Variants in RIMS1 observed in about 807,000 individuals in gnomAD.
The protein encoded by RIMS1 is regulating synaptic membrane exocytosis protein 1.
In RIMS1, 83 loss-of-function variants were observed where a neutral mutation model predicts 214.1. That is an observed-to-expected ratio of 0.39 (90% CI 0.32 to 0.47). RIMS1 has a LOEUF of 0.47. Ranked by LOEUF, RIMS1 falls within the 20% of genes least tolerant of loss-of-function variation. The pLI is 0.99. For synonymous variants in RIMS1, 793 were observed against 786.8 expected (o/e 1.01, Z -0.13); for missense variants, 2,050 against 2,161.8 (o/e 0.95, Z 1.03).
At chr6:72,374,331 G>A (rs1052161520) in intron 29 of RIMS1, among the ~76,000 whole-genome samples, 2 of 152,226 alleles carry the variant, frequency 1.3e-5, no homozygotes, top group East Asian at 3.9e-4. Context: ...TTGTTATTTA[G>A]TACCTATTCT....
At chr6:72,020,988 C>T (rs949368799) in intron 2 of RIMS1, among the ~76,000 whole-genome samples, 7 of 152,030 alleles carry the variant, frequency 4.6e-5, no homozygotes, top group Non-Finnish European at 1.0e-4. Context: ...ATTTTAATTC[C>T]AAGATATTCC....
intron 4 of RIMS1, among the ~76,000 whole-genome samples, chr6:72,132,472 A>G (rs1215595676): frequency 6.6e-6 from 1 of 152,132 alleles, no homozygotes; most frequent in Non-Finnish European, 1.5e-5. Flanking sequence ...TTGGACTAAT[A>G]TTTATTGGGT....
chr6:72,386,725 GTCTT>G (rs1224367155), intron 29 of RIMS1, among the ~76,000 whole-genome samples: 23 of 144,498 alleles, frequency 1.6e-4, no homozygotes, highest in East Asian at 4.0e-4. Context: ...TCGTTTCACT[GTCTT>G]TCTTTTTTTT....
At chr6:72,332,444 C>T (rs1295709415) in intron 28 of RIMS1, among the ~76,000 whole-genome samples, 1 of 144,490 alleles carries the variant, frequency 6.9e-6, no homozygotes, top group Admixed American at 7.3e-5. Context: ...GACAAAAAAC[C>T]AAACACCACA....
intron 1 of RIMS1, among the ~76,000 whole-genome samples, chr6:71,932,951 C>T (rs1320155680): frequency 2.0e-5 from 3 of 152,150 alleles, no homozygotes; most frequent in Non-Finnish European, 4.4e-5. Context: ...TTACTGAGCA[C>T]ATACTTTTAT....
intron 6 of RIMS1, chr6:72,213,331 T>C: frequency 9.9e-7 from 1 of 1,008,896 alleles, no homozygotes; most frequent in Non-Finnish European, 1.4e-6. Context: ...TTCTATTCTC[T>C]GTGTGTCAGG....
At position 72,258,130 on chromosome 6, in the gene RIMS1, T is replaced by C; in HGVS notation, c.2776T>C (p.Tyr926His). ...DGIGVVPPVG[Y>H]RSSARESKST... ...TCTGTGTGTACTTTTGCCAGTAGGCTATAGGTCTAGTGCTAGAGAAAGTAA... is the reference window on the plus strand; with the variant it reads ...TCTGTGTGTACTTTTGCCAGTAGGCCATAGGTCTAGTGCTAGAGAAAGTAA... Residue 926 changes from tyrosine (Y) to histidine (H), a missense_variant, in exon 17 of 34, where the codon TAT becomes CAT. Coordinates refer to ENST00000521978, the MANE Select transcript of RIMS1 (RefSeq NM_014989.7). The C allele has an allele frequency of 6.2e-7, 1 of 1,612,362 alleles. No individual in the cohort carries two copies. The highest frequency in any genetic ancestry group is 1.1e-5 in the South Asian group (1 of 90,862).
intron 1 of RIMS1, among the ~76,000 whole-genome samples, chr6:71,945,155 G>A (rs545180156): frequency 2.6e-5 from 4 of 152,276 alleles, no homozygotes; most frequent in Non-Finnish European, 4.4e-5. Flanking sequence ...CAGCACTTAC[G>A]ACAAGCAGCA....
intron 4 of RIMS1, among the ~76,000 whole-genome samples, chr6:72,150,689 G>A (rs2043424679): frequency 6.6e-6 from 1 of 152,134 alleles, no homozygotes; most frequent in Non-Finnish European, 1.5e-5. Flanking sequence ...AAATGAATAT[G>A]CAATAGTAAT....
In RIMS1 at chr6:72,313,614, C is replaced by A; in HGVS notation, c.4072C>A (p.Arg1358Ser). The A allele has an allele frequency of 1.9e-6, 3 of 1,613,632 alleles. No individual in the cohort carries two copies. Among genetic ancestry groups the A allele is most frequent in the Non-Finnish European group, 2.5e-6 (3 of 1,179,710 alleles). Residue 1358 changes from arginine to serine, a missense_variant, in exon 28 of 34, where the codon CGC becomes AGC. Transcript: ENST00000521978. ...CATTTCCCGAACCAGCAGTGCCTCACGCCTCAGCAGCACAAGCTTTATGTC... is the reference window on the plus strand; with the variant it reads ...CATTTCCCGAACCAGCAGTGCCTCAAGCCTCAGCAGCACAAGCTTTATGTC... ...SAISRTSSAS[R>S]LSSTSFMSEQ...
chr6:72,122,913 C>T (rs1012842907), intron 4 of RIMS1, among the ~76,000 whole-genome samples: 3 of 151,536 alleles, frequency 2.0e-5, no homozygotes, highest in Non-Finnish European at 3.0e-5. Flanking sequence ...TTGATCTTTT[C>T]GAAAAACCAG....
At chr6:71,968,394 G>T (rs1194999032) in intron 1 of RIMS1, among the ~76,000 whole-genome samples, 1 of 151,708 alleles carries the variant, frequency 6.6e-6, no homozygotes, top group South Asian at 2.1e-4. Flanking sequence ...CATTTTGGAG[G>T]TATCTTTTCT....
At chr6:72,385,507 C>T (rs1407056794) in intron 29 of RIMS1, among the ~76,000 whole-genome samples, 2 of 152,010 alleles carry the variant, frequency 1.3e-5, no homozygotes, top group Non-Finnish European at 2.9e-5. Flanking sequence ...TAAGACCAGA[C>T]TTTACATTTT....
At chr6:72,212,620 A>G (rs1043865934) in intron 6 of RIMS1, among the ~76,000 whole-genome samples, 1 of 152,214 alleles carries the variant, frequency 6.6e-6, no homozygotes, top group Non-Finnish European at 1.5e-5. Flanking sequence ...TTTCATTGTC[A>G]TAAAAATCCT....
At chr6:72,386,787 G>C (rs908440801) in intron 29 of RIMS1, among the ~76,000 whole-genome samples, 16 of 138,942 alleles carry the variant, frequency 1.2e-4, no homozygotes, top group African/African-American at 3.5e-4. Context: ...AGGCTGGAGT[G>C]CAATGGCCCA....
intron 1 of RIMS1, among the ~76,000 whole-genome samples, chr6:71,901,494 A>G (rs990213396): frequency 6.6e-6 from 1 of 152,118 alleles, no homozygotes; most frequent in Admixed American, 6.6e-5. Flanking sequence ...ATTATGGTAG[A>G]TAGGAAAAGC....
intron 1 of RIMS1, among the ~76,000 whole-genome samples, chr6:71,930,453 C>T (rs530797013): frequency 1.2e-3 from 185 of 152,062 alleles, no homozygotes; most frequent in African/African-American, 4.1e-3. Context: ...CTGAACATTT[C>T]GTAGAATCAG....
intron 6 of RIMS1, among the ~76,000 whole-genome samples, chr6:72,191,920 A>G (rs1479407128): frequency 6.6e-6 from 1 of 152,194 alleles, no homozygotes; most frequent in Non-Finnish European, 1.5e-5. Flanking sequence ...TGATGGCACT[A>G]ATCTCTTCAG....
rs377757831 is a variant in RIMS1 at position 72,202,541 on chromosome 6, C to T, written c.1678+19392C>T. 8.5e-5 allele frequency among the ~76,000 whole-genome samples: 13 copies of T among 152,268 alleles called. No individual in the cohort carries two copies. In the East Asian group the frequency reaches 1.5e-3, roughly 18 times the overall value. On this transcript the variant is annotated intron_variant, in intron 6 of 33. Coordinates refer to ENST00000521978, the MANE Select transcript of RIMS1 (RefSeq NM_014989.7). ...AAGACTCTGTCTCCAAATATAGTTA[C>T]AGTCGGAGGTAATAGGGGTTAGGAC...
Sources: gnomAD v4.1 joint callset for allele counts (sites outside exome capture counted in the v4.1 genomes callset) on GRCh38, gnomAD v4.1.1 for gene constraint, MANE v1.5 for transcripts, NCBI Gene and HGNC (gene_info 2026-07-23, HGNC 2026-07-21) for gene names.